The following SPPL3 variants were observed in gnomAD, a reference collection of about 807,000 sequenced individuals.
SPPL3 encodes signal peptide peptidase-like 3.
SPPL3 carries 5 observed loss-of-function variants against 42.4 expected under a neutral mutation model. That is an observed-to-expected ratio of 0.12 (90% CI 0.06 to 0.25). The LOEUF (loss-of-function observed/expected upper bound fraction) is 0.25, where lower values mean the gene tolerates loss of function less well. Among genes scored for constraint, SPPL3 ranks in the 10% least tolerant of loss-of-function variants. SPPL3 has a pLI of 1.00. For missense variants in SPPL3, 235 were observed against 489.0 expected (o/e 0.48, Z 4.90); for synonymous variants, 195 against 181.8 (o/e 1.07, Z -0.58).
At chr12:120,852,048 A>C (rs184211899) in intron 1 of SPPL3, among the ~76,000 whole-genome samples, 81 of 151,954 alleles carry the variant, frequency 5.3e-4, no homozygotes, top group Admixed American at 5.3e-3. Context: ...AGTTTGTATG[A>C]TATCTAACAG....
intron 1 of SPPL3, among the ~76,000 whole-genome samples, chr12:120,867,217 T>G (rs1872781393): frequency 6.6e-6 from 1 of 152,208 alleles, no homozygotes; most frequent in Non-Finnish European, 1.5e-5. Context: ...CAGCCATGTG[T>G]AATGTTGTCA....
At chr12:120,843,139 G>A (rs993362540) in intron 1 of SPPL3, among the ~76,000 whole-genome samples, 1 of 152,116 alleles carries the variant, frequency 6.6e-6, no homozygotes, top group African/African-American at 2.4e-5. Flanking sequence ...TCACAGTAGG[G>A]CTACATGTCT....
At chr12:120,808,086 C>CTTTTTTTTTTTT (rs63135760) in intron 2 of SPPL3, among the ~76,000 whole-genome samples, 7 of 132,804 alleles carry the variant, frequency 5.3e-5, no homozygotes, top group Non-Finnish European at 8.1e-5. Context: ...AGTTTCTTTT[C>CTTTTTTTTTTTT]TTTTTTTTTT....
intron 1 of SPPL3, among the ~76,000 whole-genome samples, chr12:120,829,323 C>T (rs11611087): frequency 0.41 from 62,553 of 151,958 alleles, 14,474 homozygotes; most frequent in Middle Eastern, 0.56. Flanking sequence ...TGGCTGGGTA[C>T]GGTAGCTCAC....
intron 1 of SPPL3, among the ~76,000 whole-genome samples, chr12:120,813,733 G>A (rs1870769285): frequency 6.6e-6 from 1 of 152,016 alleles, no homozygotes. Context: ...GGGTTCCTAA[G>A]GAAGCCAACT....
intron 1 of SPPL3, among the ~76,000 whole-genome samples, chr12:120,818,922 A>G (rs1870966357): frequency 6.6e-6 from 1 of 152,280 alleles, no homozygotes; most frequent in Non-Finnish European, 1.5e-5. Context: ...AAAAAAATTA[A>G]GCGAGACAAG....
At chr12:120,871,562 G>A (rs771381468) in intron 1 of SPPL3, among the ~76,000 whole-genome samples, 31 of 152,080 alleles carry the variant, frequency 2.0e-4, no homozygotes, top group Non-Finnish European at 2.1e-4. Context: ...AGACCAGCCC[G>A]GCCAACGTGG....
chr12:120,880,115 G>A (rs1873232601), intron 1 of SPPL3, among the ~76,000 whole-genome samples: 1 of 151,290 alleles, frequency 6.6e-6, no homozygotes. Context: ...ACAGGCTACT[G>A]GAGGACAGGA....
Position 120,852,259 on chromosome 12 carries a change from CAT to C in SPPL3, c.24-41375_24-41374del, listed in dbSNP as rs965086808. On this transcript the variant is annotated intron_variant, in intron 1 of 10. Transcript: ENST00000353487. ...AGGAAACTCCCAGTTTGTCATCGCACATAGTTACATGCCAATTTGACATTTTC... is the reference window on the plus strand; with the variant it reads ...AGGAAACTCCCAGTTTGTCATCGCACAGTTACATGCCAATTTGACATTTTC... Among the ~76,000 whole-genome samples the C allele has an allele frequency of 2.5e-4, 37 of 150,718 alleles. 2 individuals are homozygous for C. The highest frequency in any genetic ancestry group is 2.3e-3 in the Admixed American group (34 of 15,072).
At chr12:120,841,619 C>T (rs1871835727) in intron 1 of SPPL3, among the ~76,000 whole-genome samples, 1 of 152,152 alleles carries the variant, frequency 6.6e-6, no homozygotes, top group African/African-American at 2.4e-5. Flanking sequence ...CATTAAATTA[C>T]TTGACTGTGT....
At chr12:120,841,906 T>C (rs975445248) in intron 1 of SPPL3, among the ~76,000 whole-genome samples, 2 of 152,192 alleles carry the variant, frequency 1.3e-5, no homozygotes, top group African/African-American at 4.8e-5. Flanking sequence ...CACTAATCAA[T>C]AGCCCGAGTC....
intron 1 of SPPL3, among the ~76,000 whole-genome samples, chr12:120,861,723 T>C (rs980884415): frequency 2.0e-5 from 3 of 152,188 alleles, no homozygotes; most frequent in East Asian, 3.8e-4. Flanking sequence ...ATGCCTGAAA[T>C]TGTAACATAT....
intron 7 of SPPL3, 200 bp downstream of exon 7, chr12:120,768,753 C>A (rs1235876524): frequency 4.8e-6 from 3 of 630,706 alleles, no homozygotes; most frequent in Non-Finnish European, 8.3e-6. Context: ...AGGAGTCACA[C>A]ACACACACTA....
chr12:120,864,872 C>A (rs1026363519), intron 1 of SPPL3, among the ~76,000 whole-genome samples: 5 of 152,048 alleles, frequency 3.3e-5, no homozygotes, highest in South Asian at 2.1e-4. Context: ...TATTTTTTTA[C>A]GCATTCTTAA....
chr12:120,802,860 AAAC>A (rs1280819497), intron 2 of SPPL3, among the ~76,000 whole-genome samples: 1 of 152,250 alleles, frequency 6.6e-6, no homozygotes, highest in Non-Finnish European at 1.5e-5. Context: ...ATGGTTATCT[AAAC>A]AACAACATCC....
intron 1 of SPPL3, among the ~76,000 whole-genome samples, chr12:120,811,973 T>C (rs746127681): frequency 1.3e-5 from 2 of 152,088 alleles, no homozygotes; most frequent in Non-Finnish European, 2.9e-5. Flanking sequence ...GGAGCTTTCC[T>C]TAGGGAGGAA....
intron 1 of SPPL3, among the ~76,000 whole-genome samples, chr12:120,832,789 T>G (rs749682962): frequency 2.0e-5 from 3 of 152,156 alleles, no homozygotes; most frequent in African/African-American, 7.2e-5. Context: ...CCATACCATA[T>G]AGGAGGCCTG....
At chr12:120,820,567 C>T (rs1023221738) in intron 1 of SPPL3, among the ~76,000 whole-genome samples, 26 of 152,096 alleles carry the variant, frequency 1.7e-4, no homozygotes, top group African/African-American at 4.8e-4. Context: ...CTGCCCGCCT[C>T]GGCCTCCCAA....
chr12:120,857,485 A>G (rs956882988), intron 1 of SPPL3, among the ~76,000 whole-genome samples: 9 of 152,232 alleles, frequency 5.9e-5, no homozygotes, highest in African/African-American at 2.2e-4. Context: ...TACATATCCA[A>G]AGGAATATAA....
Sources: gnomAD v4.1 joint callset for allele counts (sites outside exome capture counted in the v4.1 genomes callset) on GRCh38, gnomAD v4.1.1 for gene constraint, MANE v1.5 for transcripts, NCBI Gene and HGNC (gene_info 2026-07-23, HGNC 2026-07-21) for gene names.